Variants in ATL3 observed in about 807,000 individuals in gnomAD.
ATL3 encodes atlastin GTPase 3.
ATL3 carries 49 observed loss-of-function variants against 69.5 expected under a neutral mutation model. That is an observed-to-expected ratio of 0.71 (90% CI 0.56 to 0.89). The LOEUF (loss-of-function observed/expected upper bound fraction) is 0.89. ATL3 is among the 40% of genes least tolerant of loss of function. ATL3 has a pLI of 0.00. For missense variants in ATL3, 606 were observed against 645.7 expected, an observed-to-expected ratio of 0.94 and a Z score of 0.67; for synonymous variants, 214 against 224.1, an observed-to-expected ratio of 0.95 and a Z score of 0.40.
Position 63,644,182 on chromosome 11 carries a change from T to G in ATL3, c.698A>C (p.Asp233Ala). 1 of 1,607,362 alleles carries G rather than the reference T, an allele frequency of 6.2e-7. No homozygotes were observed. Among genetic ancestry groups the G allele is most frequent in the South Asian group, 1.1e-5 (1 of 90,058 alleles). ...AGTCCCACTTACCTGTAAACGCTTA[T>G]CCAAAAATGCCATTCCTCCTTGGAG... ...YGLQGGMAFL[D>A]KRLQVKEHQH... The change falls in exon 7 of 13, where the codon GAT becomes GCT. Residue 233 changes from aspartate (D) to alanine (A), a missense_variant. Physicochemically the swap from Asp to Ala is moderately radical, Grantham distance 126. Transcript: ENST00000398868.
chr11:63,644,089 T>C (rs538773531), intron 7 of ATL3, 80 bp downstream of exon 7: 2 of 917,514 alleles, frequency 2.2e-6, no homozygotes, highest in African/African-American at 3.3e-5. Context: ...AATAATTGCT[T>C]TAAACACAAT....
At chr11:63,647,599 A>G (rs1164658787) in intron 5 of ATL3, among the ~76,000 whole-genome samples, 1 of 152,214 alleles carries the variant, frequency 6.6e-6, no homozygotes. Context: ...TGAGGGCAGG[A>G]ATATTTGTCT....
Position 63,668,105 on chromosome 11 carries a change from T to G in ATL3, c.46+3185A>C, listed in dbSNP as rs554183856. 5.9e-5 allele frequency among the ~76,000 whole-genome samples: 9 copies of G among 152,328 alleles called. No homozygotes were observed. In the South Asian group the frequency reaches 1.9e-3, roughly 32 times the overall value. On this transcript the variant is annotated intron_variant, in intron 1 of 12. Coordinates refer to ENST00000398868, the MANE Select transcript of ATL3 (RefSeq NM_015459.5). ...TAACCAACCAGTCACAGAAACACTT[T>G]GCTGAGTAGATTCATGTATGACTCA...
At chr11:63,661,221 CAAAA>C (rs1229211370) in intron 1 of ATL3, among the ~76,000 whole-genome samples, 1 of 84,028 alleles carries the variant, frequency 1.2e-5, no homozygotes, top group Non-Finnish European at 2.4e-5. Flanking sequence ...GACTTGGTCT[CAAAA>C]AAAAAAAAAA....
chr11:63,652,687 T>C, intron 3 of ATL3, 112 bp from the exon 4 acceptor site: 1 of 671,098 alleles, frequency 1.5e-6, no homozygotes, highest in Non-Finnish European at 2.4e-6. Flanking sequence ...AATGTTTATG[T>C]GAGCCTTAAG....
intron 3 of ATL3, among the ~76,000 whole-genome samples, chr11:63,656,148 C>T (rs512249): frequency 7.3e-5 from 11 of 151,194 alleles, no homozygotes; most frequent in Admixed American, 2.6e-4. Context: ...GGCGTGAACC[C>T]GGGAGGCGGA....
Position 63,624,257 on chromosome 11 carries a change from CATT to C in ATL3, c.*5059_*5061del, listed in dbSNP as rs1263789765. On this transcript the variant is annotated 3_prime_UTR_variant, in exon 13 of 13. Transcript: ENST00000398868. ...CTAGCAGACAGTACTTTTAACAAAT[CATT>C]TTTTAAAATAAAAAAACCTGAGGAA... is the stretch of plus-strand genomic sequence containing the variant. 1.3e-5 allele frequency: 2 copies of C among 152,158 alleles called. No individual in the cohort carries two copies. The highest frequency in any genetic ancestry group is 4.8e-5 in the African/African-American group (2 of 41,436). 9.4% of individuals were successfully genotyped at this position (152,158 alleles called of 1,614,324 possible).
intron 1 of ATL3, among the ~76,000 whole-genome samples, chr11:63,662,856 G>A (rs1464906595): frequency 4.6e-5 from 7 of 152,148 alleles, no homozygotes; most frequent in Non-Finnish European, 7.3e-5. Flanking sequence ...AAATCACAGC[G>A]ACACAGTACC....
chr11:63,638,775 C>T (rs1038685962), intron 8 of ATL3, among the ~76,000 whole-genome samples: 1 of 149,832 alleles, frequency 6.7e-6, no homozygotes, highest in African/African-American at 2.4e-5. Flanking sequence ...CTTCAAGAAA[C>T]AGCAGCTCAG....
At position 63,657,208 on chromosome 11, in the gene ATL3, C is replaced by CAAAAAA. The variant is rs1254213240; in HGVS notation, c.405+1547_405+1552dup. 2.3e-3 allele frequency among the ~76,000 whole-genome samples: 140 copies of CAAAAAA among 59,838 alleles called. 2 individuals carry two copies. Among genetic ancestry groups the CAAAAAA allele is most frequent in the African/African-American group, 8.2e-3 (128 of 15,576 alleles). The allele number at this position is 59,838 out of a possible 152,430, so 39.3% of individuals were successfully genotyped here. A position where few individuals can be genotyped will look rare whatever the true frequency, so the allele number is the denominator to read the frequency against. On this transcript the variant is annotated intron_variant, in intron 3 of 12. Coordinates refer to ENST00000398868, the MANE Select transcript of ATL3 (RefSeq NM_015459.5). ...TGGGCAACAGAGTGAGACTACATCT[C>CAAAAAA]AAAAAAAAAAAAAAAAAAAGGACAA...
chr11:63,652,054 G>C, intron 4 of ATL3, 68 bp from the exon 5 acceptor site: 1 of 1,551,436 alleles, frequency 6.4e-7, no homozygotes, highest in Non-Finnish European at 8.6e-7. Flanking sequence ...TAAGCCTAAA[G>C]GGCTGACAGA....
Position 63,643,477 on chromosome 11 carries a change from C to A in ATL3, c.730G>T (p.Glu244Ter). ...KRLQVKEHQH[E>*]EIQNVRNHIH... ...TGATTTCGAACATTCTGAATTTCTT[C>A]ATGTTGATGTTCCTTCACCTGCCAA... Residue 244 changes from glutamate to a stop codon, truncating the protein, a stop_gained, in exon 8 of 13, where the codon GAA becomes TAA. Coordinates refer to ENST00000398868, the MANE Select transcript of ATL3 (RefSeq NM_015459.5). LOFTEE classifies it high-confidence loss of function. 1 of 1,611,134 alleles carries A rather than the reference C, an allele frequency of 6.2e-7. No individual in the cohort carries two copies. The highest frequency in any genetic ancestry group is 8.5e-7 in the Non-Finnish European group (1 of 1,178,874).
chr11:63,625,776 A>T lies in ATL3; in HGVS notation c.*3543T>A, dbSNP rs1436888541. 2.6e-5 allele frequency: 4 copies of T among 152,346 alleles called. No homozygotes were observed. The highest frequency in any genetic ancestry group is 2.6e-4 in the Admixed American group (4 of 15,294). 9.4% of individuals were successfully genotyped at this position (152,346 alleles called of 1,614,324 possible). A position where few individuals can be genotyped will look rare whatever the true frequency, so the allele number is the denominator to read the frequency against. On this transcript the variant is annotated 3_prime_UTR_variant, in exon 13 of 13. Transcript: ENST00000398868. ...GCCAAGACAGGCGGATTCCCAGAGG[A>T]GTTGAGACCAGCCTGGTCAACATGG...
intron 1 of ATL3, among the ~76,000 whole-genome samples, chr11:63,666,781 A>C (rs1377974799): frequency 6.6e-6 from 1 of 152,128 alleles, no homozygotes; most frequent in Non-Finnish European, 1.5e-5. Flanking sequence ...GTAAGTGGCA[A>C]CTTTACATGC....
At chr11:63,669,254 G>A (rs1032022712) in intron 1 of ATL3, among the ~76,000 whole-genome samples, 2 of 152,096 alleles carry the variant, frequency 1.3e-5, no homozygotes, top group African/African-American at 4.8e-5. Flanking sequence ...ACGCAACTGG[G>A]CCAGGCGCCG....
At position 63,636,329 on chromosome 11, in the gene ATL3, C is replaced by T. The variant is rs1361085781; in HGVS notation, c.856G>A (p.Ala286Thr). Reference protein sequence around the residue: ...PDFDGKLKDIAGEFKEQLQAL... With the variant: ...PDFDGKLKDITGEFKEQLQAL... ...TGTAACTGCTCTTTGAATTCACCAG[C>T]AATATCTGTTCACAGGACGACAAAG... is the stretch of plus-strand genomic sequence containing the variant. Residue 286 changes from alanine (A) to threonine (T), a missense_variant, in exon 9 of 13, where the codon GCT becomes ACT. Ala to Thr is a moderately conservative substitution (Grantham distance 58). Coordinates refer to ENST00000398868, the MANE Select transcript of ATL3 (RefSeq NM_015459.5). 3.1e-6 allele frequency: 5 copies of T among 1,614,036 alleles called. No individual in the cohort carries two copies. The highest frequency in any genetic ancestry group is 3.4e-6 in the Non-Finnish European group (4 of 1,179,986).
rs574916292 is a variant in ATL3, at chr11:63,631,254, C to T, written c.1325G>A (p.Arg442Gln). ...NGSKNVFSTF[R>Q]TPAVLFTGIV... ...GCCCGTGAACAGCACTGCAGGGGTT[C>T]GGAAGGTGCTGAAGACGTTCTTGCT... Residue 442 changes from arginine to glutamine, a missense_variant, in exon 12 of 13, where the codon CGA becomes CAA. Transcript: ENST00000398868. 2.0e-5 allele frequency: 32 copies of T among 1,614,204 alleles called. No homozygotes were observed. In the South Asian group the frequency reaches 2.7e-4, roughly 14 times the overall value.
At chr11:63,665,617 G>A (rs1422172800) in intron 1 of ATL3, among the ~76,000 whole-genome samples, 1 of 152,114 alleles carries the variant, frequency 6.6e-6, no homozygotes, top group African/African-American at 2.4e-5. Flanking sequence ...GCCAGGCATG[G>A]GAGGTCTCGC....
In ATL3 at chr11:63,637,225, G is replaced by A. The variant is rs13377239; in HGVS notation, c.851-891C>T. ...CGGAAGGCAGAGGTTGCAGTGAGCC[G>A]AGATCGCACCACTGCACTCCAGCCT... On this transcript the variant is annotated intron_variant, in intron 8 of 12. Transcript: ENST00000398868. Among the ~76,000 whole-genome samples, 1,056 of 150,760 alleles carry A rather than the reference G, an allele frequency of 7.0e-3. 14 individuals are homozygous for A. The highest frequency in any genetic ancestry group is 0.025 in the African/African-American group (1,017 of 41,188).
Sources: gnomAD v4.1 joint callset for allele counts (sites outside exome capture counted in the v4.1 genomes callset) on GRCh38, gnomAD v4.1.1 for gene constraint, MANE v1.5 for transcripts, NCBI Gene and HGNC (gene_info 2026-07-23, HGNC 2026-07-21) for gene names.